Variants in PCYOX1 observed in about 807,000 individuals in gnomAD.
PCYOX1 encodes the protein prenylcysteine lyase.
PCYOX1 carries 46 observed loss-of-function variants against 46.4 expected under a neutral mutation model. The ratio of observed to expected loss-of-function variants is 0.99; its 90% CI spans 0.78 to 1.27. The LOEUF (loss-of-function observed/expected upper bound fraction) is 1.27, where lower values mean the gene tolerates loss of function less well. Ranked by LOEUF, PCYOX1 falls within the 50% of genes most tolerant of loss-of-function variation. The pLI, the probability that PCYOX1 is intolerant of heterozygous loss-of-function variation, is 0.00. For missense variants in PCYOX1, 658 were observed against 628.3 expected, an observed-to-expected ratio of 1.05 and a Z score of -0.51; for synonymous variants, 220 against 231.8, an observed-to-expected ratio of 0.95 and a Z score of 0.46.
chr2:70,274,877 T>C, intron 3 of PCYOX1, 82 bp from the exon 4 acceptor site: 1 of 901,426 alleles, frequency 1.1e-6, no homozygotes, highest in Non-Finnish European at 1.9e-6. Context: ...AGTTTGATTC[T>C]TATGACGCCA....
intron 4 of PCYOX1, 65 bp from the exon 5 acceptor site, chr2:70,275,449 G>C: frequency 1.3e-6 from 2 of 1,498,984 alleles, no homozygotes; most frequent in Non-Finnish European, 1.8e-6. Flanking sequence ...ATTGGGAAGG[G>C]AGAGTGGGTA....
chr2:70,271,999 T>C (rs992439369), intron 3 of PCYOX1, among the ~76,000 whole-genome samples: 3 of 152,244 alleles, frequency 2.0e-5, no homozygotes, highest in Admixed American at 1.3e-4. Flanking sequence ...GTTTTTCTTT[T>C]TTGTCAACAA....
chr2:70,259,253 A>G (rs1696397869), intron 1 of PCYOX1, 107 bp from the exon 2 acceptor site: 2 of 989,674 alleles, frequency 2.0e-6, no homozygotes, highest in East Asian at 4.8e-5. Context: ...AATTGTTGGT[A>G]ATAGCTTTGA....
At chr2:70,263,045 C>T (rs959871218) in intron 3 of PCYOX1, among the ~76,000 whole-genome samples, 1 of 152,022 alleles carries the variant, frequency 6.6e-6, no homozygotes, top group Admixed American at 6.6e-5. Context: ...ACCAGCCTGA[C>T]CAACATGGTA....
intron 3 of PCYOX1, among the ~76,000 whole-genome samples, chr2:70,263,753 A>G (rs564873919): frequency 5.5e-4 from 81 of 148,538 alleles, no homozygotes; most frequent in African/African-American, 1.9e-3. Context: ...TCTGCCTCCC[A>G]GGTTCAAGTG....
intron 3 of PCYOX1, among the ~76,000 whole-genome samples, chr2:70,268,264 T>G (rs1428822667): frequency 6.6e-6 from 1 of 152,152 alleles, no homozygotes; most frequent in East Asian, 1.9e-4. Flanking sequence ...AATCTAAGGC[T>G]CATCACATCA....
At chr2:70,272,957 C>T (rs1401703369) in intron 3 of PCYOX1, among the ~76,000 whole-genome samples, 1 of 152,072 alleles carries the variant, frequency 6.6e-6, no homozygotes, top group Non-Finnish European at 1.5e-5. Context: ...CTTTGCCTCC[C>T]AAAGTGCTAG....
At chr2:70,263,560 C>T (rs1455945023) in intron 3 of PCYOX1, among the ~76,000 whole-genome samples, 2 of 152,110 alleles carry the variant, frequency 1.3e-5, no homozygotes, top group Non-Finnish European at 2.9e-5. Context: ...TAGAGACGGC[C>T]AGTCACTTTA....
At chr2:70,276,230 G>A (rs1044901843) in intron 5 of PCYOX1, among the ~76,000 whole-genome samples, 1 of 151,260 alleles carries the variant, frequency 6.6e-6, no homozygotes, top group Non-Finnish European at 1.5e-5. Flanking sequence ...GACTGTAGTG[G>A]CCTATCTCGG....
chr2:70,278,868 G>A lies in PCYOX1; in HGVS notation c.*1476G>A, dbSNP rs1034002018. On this transcript the variant is annotated 3_prime_UTR_variant, in exon 6 of 6. Coordinates refer to ENST00000433351, the MANE Select transcript of PCYOX1 (RefSeq NM_016297.4). Reference sequence around the variant, plus strand: ...GTAAATGCAACCAATTTAACATGTAGTGTTATTAAAAAATTACAAAGGCCT... The same window carrying A: ...GTAAATGCAACCAATTTAACATGTAATGTTATTAAAAAATTACAAAGGCCT... 1 of 152,208 alleles carries A rather than the reference G, an allele frequency of 6.6e-6. No individual in the cohort carries two copies. Among genetic ancestry groups the A allele is most frequent in the African/African-American group, 2.4e-5 (1 of 41,450 alleles). The allele number at this position is 152,208 out of a possible 1,614,324, so 9.4% of individuals were successfully genotyped here. A position where few individuals can be genotyped will look rare whatever the true frequency, so the allele number is the denominator to read the frequency against.
chr2:70,264,033 G>C (rs1300763484), intron 3 of PCYOX1, among the ~76,000 whole-genome samples: 1 of 149,026 alleles, frequency 6.7e-6, no homozygotes, highest in African/African-American at 2.5e-5. Flanking sequence ...TGTGATCATG[G>C]CTCACTGCAG....
intron 3 of PCYOX1, among the ~76,000 whole-genome samples, chr2:70,262,015 C>G (rs1696447263): frequency 1.3e-5 from 2 of 152,068 alleles, no homozygotes; most frequent in Non-Finnish European, 2.9e-5. Flanking sequence ...CTTTTTCGTC[C>G]TTATGCTTTT....
At chr2:70,258,068 T>C (rs1385738865), upstream of PCYOX1, 4 of 968,428 alleles carry the variant, frequency 4.1e-6, no homozygotes, top group Non-Finnish European at 4.3e-6. Flanking sequence ...TCGCAGGGGC[T>C]GGGCGGCCTG....
chr2:70,257,973 AGT>A (rs1363749703), upstream of PCYOX1: 1 of 453,436 alleles, frequency 2.2e-6, no homozygotes, highest in Non-Finnish European at 3.9e-6. Context: ...TAGGGCACTG[AGT>A]GGCCCAGAGT....
In PCYOX1 at chr2:70,276,727, C is replaced by T. The variant is rs1484025612; in HGVS notation, c.860-7C>T. 1.3e-6 allele frequency: 2 copies of T among 1,532,328 alleles called. No homozygotes were observed. The highest frequency in any genetic ancestry group is 4.0e-5 in the Admixed American group (2 of 49,628). The allele number at this position is 1,532,328 out of a possible 1,614,324, so 94.9% of individuals were successfully genotyped here. ...TAAACAAATATATGCCTCCTTATTT[C>T]CTCTAGGAAATCCAACAAAGATGTA... is the stretch of plus-strand genomic sequence containing the variant. On this transcript the variant is annotated splice_region_variant and splice_polypyrimidine_tract_variant and intron_variant, in intron 5 of 5. Transcript: ENST00000433351.
chr2:70,258,271 A>G lies in PCYOX1; in HGVS notation c.107A>G (p.Lys36Arg), dbSNP rs1696377156. The G allele has an allele frequency of 6.3e-7, 1 of 1,584,070 alleles. No individual in the cohort carries two copies. Residue 36 changes from lysine (K) to arginine (R), a missense_variant, in exon 1 of 6, where the codon AAA becomes AGA. Physicochemically the swap from Lys to Arg is conservative, Grantham distance 26. Transcript: ENST00000433351. ...EGAELRAPPD[K>R]IAIIGAGIGG... ...GCCGAGCTGCGTGCTCCGCCAGATA[A>G]AATCGGTAGGCGAGAAGGGGGCGGC...
chr2:70,259,245 T>G, intron 1 of PCYOX1, 115 bp from the exon 2 acceptor site: 2 of 889,638 alleles, frequency 2.2e-6, no homozygotes, highest in Non-Finnish European at 3.6e-6. Context: ...CCCCACCAAA[T>G]TGTTGGTAAT....
intron 3 of PCYOX1, among the ~76,000 whole-genome samples, chr2:70,267,367 C>T (rs1293089988): frequency 6.6e-6 from 1 of 151,690 alleles, no homozygotes; most frequent in Admixed American, 6.6e-5. Flanking sequence ...CAAAGACACT[C>T]CTCACTTCCT....
At chr2:70,274,911 T>G in intron 3 of PCYOX1, 48 bp from the exon 4 acceptor site, 3 of 1,148,534 alleles carry the variant, frequency 2.6e-6, no homozygotes, top group Non-Finnish European at 4.0e-6. Context: ...TACATCCCCT[T>G]CCCCACATCT....
Sources: gnomAD v4.1 joint callset for allele counts (sites outside exome capture counted in the v4.1 genomes callset) on GRCh38, gnomAD v4.1.1 for gene constraint, MANE v1.5 for transcripts, NCBI Gene and HGNC (gene_info 2026-07-23, HGNC 2026-07-21) for gene names.